Variants in SORCS1 observed in about 807,000 individuals in gnomAD.
The protein encoded by SORCS1 is sortilin related VPS10 domain containing receptor 1.
Under a neutral mutation model 146.1 loss-of-function variants are expected in SORCS1, and 60 were observed. That is an observed-to-expected ratio of 0.41 (90% confidence interval 0.33 to 0.51). The LOEUF (loss-of-function observed/expected upper bound fraction) is 0.51. Among genes scored for constraint, SORCS1 ranks in the 20% least tolerant of loss-of-function variants. SORCS1 has a pLI of 0.21. For missense variants in SORCS1, 1,352 were observed against 1,487.6 expected (o/e 0.91, Z 1.50); for synonymous variants, 637 against 584.0 (o/e 1.09, Z -1.31).
intron 1 of SORCS1, among the ~76,000 whole-genome samples, chr10:107,064,734 A>G (rs754843130): frequency 3.9e-5 from 6 of 152,212 alleles, no homozygotes; most frequent in Non-Finnish European, 7.3e-5. Context: ...TAATTATGCC[A>G]TCTCTGTAAG....
intron 3 of SORCS1, among the ~76,000 whole-genome samples, chr10:106,813,883 T>C (rs1947605542): frequency 6.6e-6 from 1 of 152,144 alleles, no homozygotes; most frequent in Non-Finnish European, 1.5e-5. Context: ...AGCCCGGGAA[T>C]TGAAGGCTGC....
intron 1 of SORCS1, among the ~76,000 whole-genome samples, chr10:107,084,092 G>GTTTTTTTTTTTT (rs34590427): frequency 2.6e-5 from 3 of 113,802 alleles, no homozygotes; most frequent in Admixed American, 9.0e-5. Context: ...GTTGTTTTTT[G>GTTTTTTTTTTTT]TTTTTTTTTT....
intron 6 of SORCS1, among the ~76,000 whole-genome samples, chr10:106,727,216 A>T (rs985095046): frequency 1.3e-5 from 2 of 152,226 alleles, no homozygotes; most frequent in Non-Finnish European, 2.9e-5. Flanking sequence ...TAGCATTTTC[A>T]GACAACCTGG....
chr10:106,916,575 TACACAC>T (rs59313831), intron 2 of SORCS1, among the ~76,000 whole-genome samples: 13 of 142,832 alleles, frequency 9.1e-5, no homozygotes, highest in African/African-American at 2.0e-4. Context: ...TGCATATATA[TACACAC>T]ACACACACAC....
intron 2 of SORCS1, among the ~76,000 whole-genome samples, chr10:106,933,328 T>C (rs1311988293): frequency 6.6e-6 from 1 of 152,190 alleles, no homozygotes; most frequent in Non-Finnish European, 1.5e-5. Flanking sequence ...TCTGATTCAA[T>C]TGGTCTTGGG....
intron 2 of SORCS1, among the ~76,000 whole-genome samples, chr10:106,832,338 A>G (rs770660416): frequency 1.4e-4 from 21 of 151,828 alleles, no homozygotes; most frequent in Non-Finnish European, 2.6e-4. Flanking sequence ...ACAGGCACAC[A>G]TCACCACATC....
At chr10:107,136,307 C>G (rs989201534) in intron 1 of SORCS1, among the ~76,000 whole-genome samples, 1 of 152,168 alleles carries the variant, frequency 6.6e-6, no homozygotes, top group Non-Finnish European at 1.5e-5. Context: ...ATACAAGTGA[C>G]CTTCTGAAAT....
chr10:106,721,277 T>TA (rs1438082333), intron 6 of SORCS1, among the ~76,000 whole-genome samples: 5 of 151,652 alleles, frequency 3.3e-5, no homozygotes, highest in African/African-American at 9.7e-5. Flanking sequence ...ATAAATTGAC[T>TA]AAAAAAAAGA....
At chr10:106,706,210 A>AAAGAAAGAAAGAAAG (rs1564880132) in intron 8 of SORCS1, among the ~76,000 whole-genome samples, 40 of 145,908 alleles carry the variant, frequency 2.7e-4, no homozygotes, top group African/African-American at 1.0e-3. Flanking sequence ...AAGAAAGAAA[A>AAAGAAAGAAAGAAAG]AAGAAAGAAA....
intron 24 of SORCS1, among the ~76,000 whole-genome samples, chr10:106,595,782 G>A (rs1204257152): frequency 6.6e-6 from 1 of 151,958 alleles, no homozygotes; most frequent in Non-Finnish European, 1.5e-5. Context: ...TACTTCCTTG[G>A]TGCTTTGGTG....
At chr10:106,751,111 A>G (rs1858194451) in intron 5 of SORCS1, among the ~76,000 whole-genome samples, 1 of 149,676 alleles carries the variant, frequency 6.7e-6, no homozygotes, top group Non-Finnish European at 1.5e-5. Flanking sequence ...GGAGGTGCAA[A>G]AGCGTTAGCA....
At chr10:106,917,528 G>A (rs1200120761) in intron 2 of SORCS1, among the ~76,000 whole-genome samples, 1 of 152,258 alleles carries the variant, frequency 6.6e-6, no homozygotes, top group East Asian at 1.9e-4. Context: ...TATTAACCCT[G>A]GAGGACAGAT....
chr10:107,114,752 C>A (rs1386046767), intron 1 of SORCS1, among the ~76,000 whole-genome samples: 1 of 151,980 alleles, frequency 6.6e-6, no homozygotes, highest in African/African-American at 2.4e-5. Flanking sequence ...AAGTCCTAGC[C>A]AGAAACATTG....
intron 2 of SORCS1, among the ~76,000 whole-genome samples, chr10:106,857,777 C>T (rs768918405): frequency 6.6e-6 from 1 of 152,192 alleles, no homozygotes; most frequent in African/African-American, 2.4e-5. Context: ...AACCCCTGCA[C>T]ATTTTAAATA....
chr10:107,076,583 G>C (rs775525069), intron 1 of SORCS1, among the ~76,000 whole-genome samples: 5 of 152,130 alleles, frequency 3.3e-5, no homozygotes, highest in Non-Finnish European at 2.9e-5. Context: ...ATGAAAGCAA[G>C]TTGTTTATTC....
At chr10:106,801,453 T>TTTTAA (rs1033294382) in intron 3 of SORCS1, among the ~76,000 whole-genome samples, 3 of 152,112 alleles carry the variant, frequency 2.0e-5, no homozygotes, top group Admixed American at 1.3e-4. Flanking sequence ...GTTAGGCTCA[T>TTTTAA]TTTAAGGGAT....
intron 1 of SORCS1, among the ~76,000 whole-genome samples, chr10:106,958,319 A>G (rs1955061849): frequency 6.6e-6 from 1 of 152,184 alleles, no homozygotes; most frequent in African/African-American, 2.4e-5. Flanking sequence ...AAATGTTGAC[A>G]TTGATTTCCT....
intron 1 of SORCS1, among the ~76,000 whole-genome samples, chr10:107,147,880 C>T (rs369860391): frequency 1.3e-5 from 2 of 151,900 alleles, no homozygotes; most frequent in Admixed American, 6.6e-5. Context: ...GAGAGTGACC[C>T]GGCACATAAG....
the SORCS1 span, among the ~76,000 whole-genome samples, chr10:107,176,591 T>A: frequency 6.6e-6 from 1 of 152,068 alleles, no homozygotes; most frequent in Non-Finnish European, 1.5e-5. Context: ...CCTCCCAGCT[T>A]GGCCTCCCAA....
Sources: allele counts gnomAD v4.1 joint callset (sites outside exome capture counted in the v4.1 genomes callset), GRCh38; gene constraint gnomAD v4.1.1; transcripts MANE v1.5; gene names NCBI Gene and HGNC (gene_info 2026-07-23, HGNC 2026-07-21).